The following BHMT variants were observed in gnomAD, a reference collection of about 807,000 sequenced individuals.
BHMT encodes the protein betaine--homocysteine S-methyltransferase.
BHMT carries 38 observed loss-of-function variants against 49.5 expected under a neutral mutation model. The observed-to-expected ratio is 0.77, with a 90% confidence interval of 0.59 to 1.01. BHMT has a LOEUF of 1.01. Ranked by LOEUF, BHMT falls within the 50% of genes least tolerant of loss-of-function variation. The pLI is 0.00. For missense variants in BHMT, 426 were observed against 495.7 expected (o/e 0.86, Z 1.34); for synonymous variants, 166 against 176.3 (o/e 0.94, Z 0.46).
chr5:79,132,129 A>G lies in BHMT; in HGVS notation c.*1013A>G, dbSNP rs1756652377. Reference sequence around the variant, plus strand: ...GATAATTTAATATCTACTCTCCTACAAAAGCTCAAGCCTGAAGATACAAGA... The same window carrying G: ...GATAATTTAATATCTACTCTCCTACGAAAGCTCAAGCCTGAAGATACAAGA... On this transcript the variant is annotated 3_prime_UTR_variant, in exon 8 of 8. Transcript: ENST00000274353. 1 of 152,230 alleles carries G rather than the reference A, an allele frequency of 6.6e-6. No homozygotes were observed. Among genetic ancestry groups the G allele is most frequent in the African/African-American group, 2.4e-5 (1 of 41,468 alleles). 9.4% of individuals were successfully genotyped at this position (152,230 alleles called of 1,614,324 possible).
chr5:79,123,889 G>A (rs1464957135), intron 5 of BHMT, among the ~76,000 whole-genome samples: 2 of 152,098 alleles, frequency 1.3e-5, no homozygotes, highest in Non-Finnish European at 2.9e-5. Flanking sequence ...CAATCTCAGA[G>A]TTCATCAACA....
rs1366363472 is a variant in BHMT at position 79,121,143 on chromosome 5, T to TC, written c.478-73dup. The TC allele has an allele frequency of 5.9e-6, 9 of 1,534,864 alleles. No individual in the cohort carries two copies. The East Asian group carries it at 6.9e-5, about 12-fold the overall frequency. On this transcript the variant is annotated intron_variant, in intron 4 of 7. Coordinates refer to ENST00000274353, the MANE Select transcript of BHMT (RefSeq NM_001713.3). ...TCCAGCCTGGGTGAAAGAGCAAAACTCCGTCTCAAAAAAAAAAAAAAAATT... is the reference window on the plus strand; with the variant it reads ...TCCAGCCTGGGTGAAAGAGCAAAACTCCCGTCTCAAAAAAAAAAAAAAAATT...
chr5:79,129,964 G>A (rs1756612624), intron 7 of BHMT, among the ~76,000 whole-genome samples: 1 of 152,192 alleles, frequency 6.6e-6, no homozygotes, highest in Non-Finnish European at 1.5e-5. Context: ...TTTGAGACCA[G>A]CCTGGGCAAC....
At chr5:79,112,049 C>T (rs1310149200) in intron 1 of BHMT, 131 bp downstream of exon 1, 2 of 1,114,054 alleles carry the variant, frequency 1.8e-6, no homozygotes, top group Non-Finnish European at 2.5e-6. Flanking sequence ...TCCCCTCCCT[C>T]AGCCTCAGAC....
At chr5:79,122,744 C>T (rs888376246) in intron 5 of BHMT, among the ~76,000 whole-genome samples, 2 of 151,530 alleles carry the variant, frequency 1.3e-5, no homozygotes, top group Non-Finnish European at 2.9e-5. Context: ...TATATATACA[C>T]ACACATATTC....
In BHMT at chr5:79,121,255, A is replaced by T; in HGVS notation, c.515A>T (p.Glu172Val). The change falls in exon 5 of 8, where the codon GAA (glutamate) becomes GTA (valine). Residue 172 changes from glutamate (E) to valine (V), a missense_variant. Transcript: ENST00000274353. ...GTTGAAGAAGCTGTGTGGGCAGTTG[A>T]AACCTTGATAGCATCCGGTAAACCT... ...EHVEEAVWAVETLIASGKPVA... is the reference protein window; with the variant it reads ...EHVEEAVWAVVTLIASGKPVA... 6.2e-7 allele frequency: 1 copy of T among 1,614,226 alleles called. No homozygotes were observed. The highest frequency in any genetic ancestry group is 1.3e-5 in the African/African-American group (1 of 75,066).
At chr5:79,118,860 T>C (rs6862287) in intron 2 of BHMT, among the ~76,000 whole-genome samples, 2,686 of 152,314 alleles carry the variant, frequency 0.018, 91 homozygotes, top group African/African-American at 0.06. Flanking sequence ...GTAGAAATGA[T>C]CCCTTCTTCC....
chr5:79,130,874 TA>T, intron 7 of BHMT, 58 bp from the exon 8 acceptor site: 1 of 1,420,062 alleles, frequency 7.0e-7, no homozygotes. Context: ...TTCCATGATA[TA>T]AAGACCAAAG....
chr5:79,127,220 G>C (rs1489521708), intron 6 of BHMT, among the ~76,000 whole-genome samples: 1 of 152,122 alleles, frequency 6.6e-6, no homozygotes, highest in Non-Finnish European at 1.5e-5. Context: ...TTGGGAGCTG[G>C]GGGATCTACT....
At chr5:79,119,522 T>C in intron 3 of BHMT, 145 bp downstream of exon 3, 1 of 556,722 alleles carries the variant, frequency 1.8e-6, no homozygotes, top group East Asian at 3.1e-5. Context: ...AATAACAACC[T>C]TAGGTTTTAT....
chr5:79,112,940 C>T (rs1187738329), intron 1 of BHMT, among the ~76,000 whole-genome samples: 2 of 152,096 alleles, frequency 1.3e-5, no homozygotes, highest in African/African-American at 4.8e-5. Flanking sequence ...CGACAGAGGC[C>T]CCCGGAAAAT....
chr5:79,119,077 T>C (rs560147890), intron 2 of BHMT, among the ~76,000 whole-genome samples, 182 bp from the exon 3 acceptor site: 1 of 152,310 alleles, frequency 6.6e-6, no homozygotes, highest in African/African-American at 2.4e-5. Context: ...CATCTAGTCA[T>C]AGCAGGTTCA....
chr5:79,124,306 T>C (rs1239500243), intron 5 of BHMT, among the ~76,000 whole-genome samples: 2 of 152,166 alleles, frequency 1.3e-5, no homozygotes, highest in Non-Finnish European at 2.9e-5. Flanking sequence ...CCCAGCACTT[T>C]GGGAGGCAAA....
intron 5 of BHMT, among the ~76,000 whole-genome samples, chr5:79,124,489 C>T (rs771974072): frequency 6.6e-6 from 1 of 150,896 alleles, no homozygotes; most frequent in Admixed American, 6.6e-5. Context: ...AAGAAAAGTC[C>T]TATTTGGGAA....
At chr5:79,112,423 C>T (rs1333589945) in intron 1 of BHMT, among the ~76,000 whole-genome samples, 1 of 152,232 alleles carries the variant, frequency 6.6e-6, no homozygotes, top group African/African-American at 2.4e-5. Flanking sequence ...GCCCTCTGCA[C>T]CCGGCGCGCC....
At chr5:79,121,868 G>T (rs952599148) in intron 5 of BHMT, among the ~76,000 whole-genome samples, 2 of 150,268 alleles carry the variant, frequency 1.3e-5, no homozygotes, top group African/African-American at 4.9e-5. Context: ...CAATCATCGA[G>T]AATGTTAATA....
At chr5:79,124,524 G>T (rs1398239124) in intron 5 of BHMT, among the ~76,000 whole-genome samples, 1 of 151,272 alleles carries the variant, frequency 6.6e-6, no homozygotes, top group East Asian at 1.9e-4. Context: ...AGAGGAGAGA[G>T]TAAAAGAATT....
intron 7 of BHMT, among the ~76,000 whole-genome samples, chr5:79,130,248 G>A (rs1756615956): frequency 6.6e-6 from 1 of 152,142 alleles, no homozygotes; most frequent in African/African-American, 2.4e-5. Flanking sequence ...AGATTAATGT[G>A]TGTTTTAATG....
At chr5:79,129,140 G>C (rs1167007300) in intron 7 of BHMT, among the ~76,000 whole-genome samples, 1 of 152,190 alleles carries the variant, frequency 6.6e-6, no homozygotes, top group African/African-American at 2.4e-5. Context: ...ACAGAGCACA[G>C]CTATCTGTCA....
Sources: allele counts gnomAD v4.1 joint callset (sites outside exome capture counted in the v4.1 genomes callset), GRCh38; gene constraint gnomAD v4.1.1; transcripts MANE v1.5; gene names NCBI Gene and HGNC (gene_info 2026-07-23, HGNC 2026-07-21).